CCL22: variants seen among roughly 807,000 people sequenced by gnomAD.
CCL22 encodes the protein C-C motif chemokine 22.
In CCL22, 7 loss-of-function variants were observed where a neutral mutation model predicts 7.6. That is an observed-to-expected ratio of 0.92 (90% CI 0.52 to 1.72). The LOEUF is 1.72. Ranked by LOEUF, CCL22 falls within the 40% of genes most tolerant of loss-of-function variation. CCL22 has a pLI of 0.00. For synonymous variants in CCL22, 55 were observed against 47.2 expected (o/e 1.17, Z -0.68); for missense variants, 115 against 124.7 (o/e 0.92, Z 0.37).
In CCL22 at chr16:57,364,795, C is replaced by CA. The variant is rs148517008; in HGVS notation, c.*1207_*1208insA. Reference sequence around the variant, plus strand: ...TGCCTGGCCTCTTCCCTCTCCCCACCCCCCCCCCAACTTTTTTTTTTTTTT... The same window carrying CA: ...TGCCTGGCCTCTTCCCTCTCCCCACCACCCCCCCCAACTTTTTTTTTTTTTT... On this transcript the variant is annotated 3_prime_UTR_variant, in exon 3 of 3. Transcript: ENST00000219235. The CA allele has an allele frequency of 8.1e-6, 1 of 123,560 alleles. No individual in the cohort carries two copies. Among genetic ancestry groups the CA allele is most frequent in the African/African-American group, 3.1e-5 (1 of 31,778 alleles). The allele number at this position is 123,560 out of a possible 1,614,324, so 7.7% of individuals were successfully genotyped here.
upstream of CCL22, among the ~76,000 whole-genome samples, chr16:57,357,926 C>G (rs532259989): frequency 1.1e-4 from 16 of 152,110 alleles, no homozygotes; most frequent in Non-Finnish European, 2.4e-4. Flanking sequence ...CCGGGACCTG[C>G]CTTTAGGTGA....
At chr16:57,361,494 G>A (rs1902049510) in intron 2 of CCL22, among the ~76,000 whole-genome samples, 1 of 152,218 alleles carries the variant, frequency 6.6e-6, no homozygotes, top group Non-Finnish European at 1.5e-5. Context: ...TGGAGAAACA[G>A]GCTTAGCAAG....
rs1301176224 is a variant in CCL22, at chr16:57,363,943, A to G, written c.*355A>G. On this transcript the variant is annotated 3_prime_UTR_variant, in exon 3 of 3. Transcript: ENST00000219235. ...TTCCATCTCTGTCTCCAGCCTGCCC[A>G]CTTCCCTTCATGAATGTTGGGTTCT... 2 of 226,404 alleles carry G rather than the reference A, an allele frequency of 8.8e-6. No homozygotes were observed. The highest frequency in any genetic ancestry group is 4.5e-5 in the African/African-American group (2 of 44,768). 14.0% of individuals were successfully genotyped at this position (226,404 alleles called of 1,614,324 possible).
chr16:57,360,644 C>G (rs1302790939), intron 2 of CCL22, 84 bp downstream of exon 2: 1 of 1,532,820 alleles, frequency 6.5e-7, no homozygotes, highest in Non-Finnish European at 9.0e-7. Context: ...GGGTGGGACA[C>G]ACCCAGGGAT....
chr16:57,361,684 T>C (rs1902051516), intron 2 of CCL22, among the ~76,000 whole-genome samples: 2 of 152,342 alleles, frequency 1.3e-5, no homozygotes, highest in Admixed American at 1.3e-4. Flanking sequence ...CTGCCCTCTC[T>C]GCGGTAGCCT....
At chr16:57,358,570 G>T (rs1437910990), upstream of CCL22, among the ~76,000 whole-genome samples, 2 of 150,258 alleles carry the variant, frequency 1.3e-5, no homozygotes, top group African/African-American at 4.8e-5. Flanking sequence ...AAGTCTGTCT[G>T]AAACCAGAGG....
At chr16:57,357,954 G>C (rs1902004623), upstream of CCL22, among the ~76,000 whole-genome samples, 1 of 152,182 alleles carries the variant, frequency 6.6e-6, no homozygotes, top group South Asian at 2.1e-4. Context: ...GCCACGGCAG[G>C]GTTCTGAAGC....
chr16:57,361,422 G>A (rs1244006713), intron 2 of CCL22, among the ~76,000 whole-genome samples: 1 of 152,148 alleles, frequency 6.6e-6, no homozygotes, highest in African/African-American at 2.4e-5. Context: ...CATTACCTGT[G>A]TTAACTGGTT....
At chr16:57,359,752 C>T (rs1220465172) in intron 1 of CCL22, among the ~76,000 whole-genome samples, 2 of 152,178 alleles carry the variant, frequency 1.3e-5, no homozygotes, top group African/African-American at 4.8e-5. Flanking sequence ...CCTGCCTCAG[C>T]CTCCTGAGTA....
At chr16:57,360,627 T>C (rs1597990139) in intron 2 of CCL22, 67 bp downstream of exon 2, 9 of 1,587,444 alleles carry the variant, frequency 5.7e-6, no homozygotes, top group Non-Finnish European at 7.8e-6. Context: ...ATGGCCCAGG[T>C]GCTGGTGGGT....
rs1555509219 is a variant in CCL22, at chr16:57,358,802, C to T, written c.-15C>T. 1 of 1,602,620 alleles carries T rather than the reference C, an allele frequency of 6.2e-7. No homozygotes were observed. The highest frequency in any genetic ancestry group is 8.6e-7 in the Non-Finnish European group (1 of 1,169,540). ...CCCTTTGCAGACACCTGGGCTGAGACATACAGGACAGAGCATGGATCGCCT... is the reference window on the plus strand; with the variant it reads ...CCCTTTGCAGACACCTGGGCTGAGATATACAGGACAGAGCATGGATCGCCT... On this transcript the variant is annotated 5_prime_UTR_variant, in exon 1 of 3. Coordinates refer to ENST00000219235, the MANE Select transcript of CCL22 (RefSeq NM_002990.5).
At chr16:57,360,656 A>G in intron 2 of CCL22, 96 bp downstream of exon 2, 1 of 1,468,300 alleles carries the variant, frequency 6.8e-7, no homozygotes, top group African/African-American at 1.4e-5. Flanking sequence ...CCCAGGGATG[A>G]GAGGAATGTG....
intron 2 of CCL22, 39 bp downstream of exon 2, chr16:57,360,599 T>C: frequency 6.2e-7 from 1 of 1,613,076 alleles, no homozygotes; most frequent in Non-Finnish European, 8.5e-7. Flanking sequence ...TTGGTGGGCC[T>C]GACGGGTACA....
chr16:57,360,013 T>C (rs551212300), intron 1 of CCL22, among the ~76,000 whole-genome samples: 1 of 152,252 alleles, frequency 6.6e-6, no homozygotes, highest in South Asian at 2.1e-4. Flanking sequence ...ACTTTTGCTG[T>C]GTTGGGTGGA....
chr16:57,358,692 G>T, upstream of CCL22: 1 of 729,098 alleles, frequency 1.4e-6, no homozygotes, highest in South Asian at 1.5e-5. Context: ...AATGTCAAGT[G>T]ACTCTGGGCA....
At position 57,363,669 on chromosome 16, in the gene CCL22, C is replaced by A; in HGVS notation, c.*81C>A. On this transcript the variant is annotated 3_prime_UTR_variant, in exon 3 of 3. Transcript: ENST00000219235. ...ACCTCCCTGCCATTATAGCTGCTCC[C>A]CGCCAGAAGCCTGTGCCAACTCTCT... is the stretch of plus-strand genomic sequence containing the variant. 1 of 838,988 alleles carries A rather than the reference C, an allele frequency of 1.2e-6. No individual in the cohort carries two copies. The highest frequency in any genetic ancestry group is 2.0e-6 in the Non-Finnish European group (1 of 493,700). 52.0% of individuals were successfully genotyped at this position (838,988 alleles called of 1,614,324 possible). A position where few individuals can be genotyped will look rare whatever the true frequency, so the allele number is the denominator to read the frequency against.
intron 1 of CCL22, among the ~76,000 whole-genome samples, chr16:57,359,608 G>A (rs1398002881): frequency 6.8e-6 from 1 of 146,090 alleles, no homozygotes; most frequent in Non-Finnish European, 1.5e-5. Flanking sequence ...GAGCCACTGC[G>A]TCTAGCCTAA....
chr16:57,357,925 G>C (rs1007820693), upstream of CCL22, among the ~76,000 whole-genome samples: 6 of 152,172 alleles, frequency 3.9e-5, no homozygotes, highest in African/African-American at 1.4e-4. Context: ...CCCGGGACCT[G>C]CCTTTAGGTG....
At chr16:57,360,346 T>C in intron 1 of CCL22, 91 bp from the exon 2 acceptor site, 5 of 1,498,112 alleles carry the variant, frequency 3.3e-6, no homozygotes, top group Non-Finnish European at 4.6e-6. Context: ...ATCTCTTTCC[T>C]GGAGCCTGGA....
Sources: allele counts gnomAD v4.1 joint callset (sites outside exome capture counted in the v4.1 genomes callset), GRCh38; gene constraint gnomAD v4.1.1; transcripts MANE v1.5; gene names NCBI Gene and HGNC (gene_info 2026-07-23, HGNC 2026-07-21).